CCDC7: variants seen among roughly 807,000 people sequenced by gnomAD.
The protein encoded by CCDC7 is coiled-coil domain-containing protein 7.
CCDC7 carries 183 observed loss-of-function variants against 196.9 expected under a neutral mutation model. The ratio of observed to expected loss-of-function variants is 0.93; its 90% CI spans 0.82 to 1.05. CCDC7 has a LOEUF of 1.05. Ranked by LOEUF, CCDC7 falls within the 50% of genes least tolerant of loss-of-function variation. CCDC7 has a pLI of 0.00. For missense variants in CCDC7, 1,540 were observed against 1,482.2 expected, an observed-to-expected ratio of 1.04 and a Z score of -0.64; for synonymous variants, 525 against 484.6, an observed-to-expected ratio of 1.08 and a Z score of -1.10.
intron 13 of CCDC7, among the ~76,000 whole-genome samples, chr10:32,546,365 T>A (rs1172313522): frequency 1.3e-5 from 2 of 152,200 alleles, no homozygotes; most frequent in Non-Finnish European, 2.9e-5. Flanking sequence ...TAAAAAGATG[T>A]GAGAAAATAT....
chr10:32,628,451 CAA>C (rs917034480), intron 18 of CCDC7, among the ~76,000 whole-genome samples: 2 of 151,774 alleles, frequency 1.3e-5, no homozygotes, highest in African/African-American at 4.8e-5. Flanking sequence ...TTCAAAGAAT[CAA>C]GTCTTAGTTT....
At chr10:32,463,281 A>AT (rs1251817980) in intron 5 of CCDC7, among the ~76,000 whole-genome samples, 6 of 151,856 alleles carry the variant, frequency 4.0e-5, no homozygotes, top group African/African-American at 9.7e-5. Flanking sequence ...TGACTGACAC[A>AT]TTTTTTTTCC....
At chr10:32,823,004 C>A (rs1018827843) in intron 31 of CCDC7, among the ~76,000 whole-genome samples, 1 of 152,152 alleles carries the variant, frequency 6.6e-6, no homozygotes, top group Non-Finnish European at 1.5e-5. Context: ...AATGAATCAG[C>A]CTTTCTTACT....
chr10:32,555,635 G>A (rs1374954344), intron 13 of CCDC7, among the ~76,000 whole-genome samples: 1 of 152,036 alleles, frequency 6.6e-6, no homozygotes, highest in African/African-American at 2.4e-5. Context: ...CATATATAGG[G>A]TGGGAAAAAA....
At chr10:32,670,481 G>A (rs371925711) in intron 21 of CCDC7, among the ~76,000 whole-genome samples, 2,147 of 151,298 alleles carry the variant, frequency 0.014, 31 homozygotes, top group Middle Eastern at 0.027. Context: ...ATGCTGGTGC[G>A]CTGCACCCAC....
At chr10:32,610,297 G>A (rs1031614003) in intron 18 of CCDC7, among the ~76,000 whole-genome samples, 21 of 152,132 alleles carry the variant, frequency 1.4e-4, no homozygotes, top group Non-Finnish European at 2.1e-4. Context: ...GTAGAGACGG[G>A]ATTTCACCAT....
downstream of CCDC7, chr10:32,876,421 G>A (rs963172738): frequency 6.9e-6 from 11 of 1,589,630 alleles, no homozygotes; most frequent in Non-Finnish European, 9.5e-6. Flanking sequence ...AGCAAGATAA[G>A]CAACATGACA....
At chr10:32,639,750 C>T (rs1281925051) in intron 20 of CCDC7, among the ~76,000 whole-genome samples, 1 of 151,778 alleles carries the variant, frequency 6.6e-6, no homozygotes, top group Non-Finnish European at 1.5e-5. Flanking sequence ...GCCTCAGCCT[C>T]TCCGAGTAGC....
At chr10:32,676,392 T>G (rs1213923755) in intron 21 of CCDC7, among the ~76,000 whole-genome samples, 3 of 151,604 alleles carry the variant, frequency 2.0e-5, no homozygotes, top group African/African-American at 7.3e-5. Context: ...ACTGAAGAGC[T>G]TCTGTACAGC....
intron 20 of CCDC7, among the ~76,000 whole-genome samples, chr10:32,654,759 G>A (rs2069459875): frequency 6.6e-6 from 1 of 152,198 alleles, no homozygotes. Flanking sequence ...AGGTCAGTTA[G>A]AGGTGAGAGA....
intron 24 of CCDC7, among the ~76,000 whole-genome samples, chr10:32,702,800 G>T (rs186685451): frequency 1.2e-4 from 19 of 152,208 alleles, no homozygotes; most frequent in Non-Finnish European, 2.5e-4. Flanking sequence ...GATCTTCATT[G>T]GTTTAAAATC....
In CCDC7 at chr10:32,556,502, C is replaced by T. The variant is rs547581079; in HGVS notation, c.1135-9056C>T. Among the ~76,000 whole-genome samples the T allele has an allele frequency of 2.6e-5, 4 of 152,198 alleles. No homozygotes were observed. The East Asian group carries it at 7.7e-4, about 29-fold the overall frequency. On this transcript the variant is annotated intron_variant, in intron 13 of 41. Transcript: ENST00000639629. The stretch of plus-strand genomic sequence containing the variant: ...GGAGTTTTCTTATTTCTTTCGTCAT[C>T]ATTTAACTTTCTTCTTCCTTTTATC...
At chr10:32,487,078 G>A (rs572821786) in intron 8 of CCDC7, among the ~76,000 whole-genome samples, 4 of 152,296 alleles carry the variant, frequency 2.6e-5, no homozygotes, top group East Asian at 1.9e-4. Flanking sequence ...ATAATATCCT[G>A]AAGAGTGTTT....
chr10:32,704,499 A>G (rs147027118), intron 24 of CCDC7, among the ~76,000 whole-genome samples: 3 of 152,112 alleles, frequency 2.0e-5, no homozygotes, highest in Admixed American at 6.5e-5. Flanking sequence ...TCAGATCTCA[A>G]ACTCCATGCT....
intron 13 of CCDC7, among the ~76,000 whole-genome samples, chr10:32,551,901 A>G (rs779774067): frequency 1.3e-5 from 2 of 152,090 alleles, no homozygotes; most frequent in African/African-American, 4.8e-5. Context: ...TTCTGTATAC[A>G]TCTGTTAAGT....
At chr10:32,846,241 AG>A in intron 36 of CCDC7, 134 bp from the exon 38 acceptor site, 1 of 630,184 alleles carries the variant, frequency 1.6e-6, no homozygotes. Context: ...ATTATTACAT[AG>A]GTACCTATAT....
chr10:32,538,827 T>C (rs1047255314), intron 11 of CCDC7, among the ~76,000 whole-genome samples: 1 of 152,228 alleles, frequency 6.6e-6, no homozygotes, highest in Admixed American at 6.5e-5. Flanking sequence ...ATCCCAGGGA[T>C]AGAGCCTATT....
At chr10:32,661,674 C>CA (rs142582841) in intron 20 of CCDC7, among the ~76,000 whole-genome samples, 1 of 152,246 alleles carries the variant, frequency 6.6e-6, no homozygotes, top group East Asian at 1.9e-4. Flanking sequence ...AAGTGTCATC[C>CA]AGGAACTAAG....
rs751236361 is a variant in CCDC7, at chr10:32,544,212, TATC to T, written c.1080-32_1080-30del. ...AGCAAAGCAGTGATGCATTTAAAAATATCATGATGCATTTTAAAACATTTTATG... is the reference window on the plus strand; with the variant it reads ...AGCAAAGCAGTGATGCATTTAAAAATATGATGCATTTTAAAACATTTTATG... On this transcript the variant is annotated intron_variant, in intron 12 of 41. Coordinates refer to ENST00000639629, the Ensembl canonical transcript of CCDC7. 4.5e-6 allele frequency: 7 copies of T among 1,556,040 alleles called. No individual in the cohort carries two copies. The African/African-American group carries it at 5.5e-5, about 12-fold the overall frequency.
Sources: allele counts gnomAD v4.1 joint callset (sites outside exome capture counted in the v4.1 genomes callset), GRCh38; gene constraint gnomAD v4.1.1; transcripts MANE v1.5; gene names NCBI Gene and HGNC (gene_info 2026-07-23, HGNC 2026-07-21).